The following EPM2A variants were observed in gnomAD, a reference collection of about 807,000 sequenced individuals.
EPM2A encodes laforin.
EPM2A carries 21 observed loss-of-function variants against 26.5 expected under a neutral mutation model. That is an observed-to-expected ratio of 0.79 (90% CI 0.56 to 1.14). EPM2A has a LOEUF of 1.14. Ranked by LOEUF, EPM2A falls within the 50% of genes most tolerant of loss-of-function variation. The pLI is 0.00. For missense variants in EPM2A, 458 were observed against 440.8 expected, an observed-to-expected ratio of 1.04 and a Z score of -0.35; for synonymous variants, 217 against 177.6, an observed-to-expected ratio of 1.22 and a Z score of -1.76.
intron 2 of EPM2A, among the ~76,000 whole-genome samples, chr6:145,676,946 T>A (rs1055172365): frequency 7.2e-5 from 11 of 152,298 alleles, no homozygotes; most frequent in Admixed American, 6.5e-4. Flanking sequence ...AGCATCATCC[T>A]GATACCAAAG....
At chr6:145,447,372 T>G (rs1779139947) in intron 4 of EPM2A, among the ~76,000 whole-genome samples, 1 of 152,144 alleles carries the variant, frequency 6.6e-6, no homozygotes, top group African/African-American at 2.4e-5. Context: ...ATTTTAAATA[T>G]CTTTCCAATA....
At chr6:145,558,244 G>C (rs1314315750) in intron 2 of EPM2A, among the ~76,000 whole-genome samples, 1 of 151,910 alleles carries the variant, frequency 6.6e-6, no homozygotes, top group Non-Finnish European at 1.5e-5. Flanking sequence ...GAACAGTTTG[G>C]GGGCATGATC....
At chr6:145,536,327 A>C (rs1780431342) in intron 2 of EPM2A, among the ~76,000 whole-genome samples, 1 of 150,404 alleles carries the variant, frequency 6.6e-6, no homozygotes, top group African/African-American at 2.4e-5. Flanking sequence ...ATGGAGTCTC[A>C]CTCTGTCACC....
chr6:145,719,146 C>A (rs1465359353), intron 1 of EPM2A, among the ~76,000 whole-genome samples: 1 of 151,856 alleles, frequency 6.6e-6, no homozygotes, highest in Non-Finnish European at 1.5e-5. Context: ...GATTATAAAT[C>A]ATGCTGCTAT....
chr6:145,485,005 A>T (rs10588735), intron 4 of EPM2A, among the ~76,000 whole-genome samples: 131 of 140,626 alleles, frequency 9.3e-4, no homozygotes, highest in African/African-American at 3.2e-3. Flanking sequence ...ATATATATAT[A>T]TTATATATAT....
intron 4 of EPM2A, among the ~76,000 whole-genome samples, chr6:145,493,505 C>A (rs1779780787): frequency 6.6e-6 from 1 of 152,172 alleles, no homozygotes; most frequent in Admixed American, 6.5e-5. Context: ...ATTGCTCTGG[C>A]TAGAACTTCC....
chr6:145,627,747 C>A, intron 3 of EPM2A, 54 bp from the exon 4 acceptor site: 1 of 1,594,510 alleles, frequency 6.3e-7, no homozygotes, highest in Non-Finnish European at 8.5e-7. Flanking sequence ...CCAGATACCG[C>A]CGCTGAGGTC....
chr6:145,713,647 A>C (rs1016692533), intron 1 of EPM2A, among the ~76,000 whole-genome samples: 1 of 152,220 alleles, frequency 6.6e-6, no homozygotes, highest in Non-Finnish European at 1.5e-5. Flanking sequence ...TAGTGCAGTC[A>C]CCTTGGAAAA....
At chr6:145,500,554 C>A (rs1297313492), downstream of EPM2A, among the ~76,000 whole-genome samples, 1 of 152,152 alleles carries the variant, frequency 6.6e-6, no homozygotes, top group Non-Finnish European at 1.5e-5. Flanking sequence ...CATCAGTAGA[C>A]AAAGGGAAAG....
intron 4 of EPM2A, among the ~76,000 whole-genome samples, chr6:145,433,204 G>C (rs1339939539): frequency 6.6e-6 from 1 of 151,998 alleles, no homozygotes; most frequent in African/African-American, 2.4e-5. Flanking sequence ...TTGCATTCTT[G>C]TCTTACATAA....
At chr6:145,708,195 T>G (rs2128630145) in intron 1 of EPM2A, among the ~76,000 whole-genome samples, 1 of 152,314 alleles carries the variant, frequency 6.6e-6, no homozygotes, top group Middle Eastern at 3.4e-3. Context: ...CATAAAAGGT[T>G]GGAAAATTTG....
At chr6:145,710,354 A>G (rs1775244394) in intron 1 of EPM2A, among the ~76,000 whole-genome samples, 1 of 152,248 alleles carries the variant, frequency 6.6e-6, no homozygotes, top group African/African-American at 2.4e-5. Context: ...TATGCAGCCA[A>G]AAAACACATG....
intron 2 of EPM2A, among the ~76,000 whole-genome samples, chr6:145,645,560 C>T (rs1777399296): frequency 6.6e-6 from 1 of 152,042 alleles, no homozygotes; most frequent in Non-Finnish European, 1.5e-5. Context: ...CTGCTTCAGC[C>T]TCGAAGGTCA....
chr6:145,585,380 T>G (rs1467609326), intron 2 of EPM2A, among the ~76,000 whole-genome samples: 1 of 152,188 alleles, frequency 6.6e-6, no homozygotes, highest in Admixed American at 6.5e-5. Flanking sequence ...TCTTGAAGTT[T>G]TCTCACAGCT....
At chr6:145,397,905 A>C (rs1291478467) in intron 4 of EPM2A, among the ~76,000 whole-genome samples, 1 of 152,178 alleles carries the variant, frequency 6.6e-6, no homozygotes, top group Admixed American at 6.5e-5. Flanking sequence ...AACCACAGTG[A>C]ACTTCATAAC....
intron 1 of EPM2A, among the ~76,000 whole-genome samples, chr6:145,727,264 A>G (rs1776257497): frequency 6.6e-6 from 1 of 152,180 alleles, no homozygotes; most frequent in Non-Finnish European, 1.5e-5. Context: ...TTAAAGAAAA[A>G]CATAAGCTAA....
At chr6:145,644,475 A>C (rs775878685) in intron 2 of EPM2A, among the ~76,000 whole-genome samples, 29 of 152,136 alleles carry the variant, frequency 1.9e-4, no homozygotes, top group Non-Finnish European at 3.7e-4. Context: ...ATGGATGCTG[A>C]AAATTTAGGA....
intron 2 of EPM2A, among the ~76,000 whole-genome samples, chr6:145,513,346 C>A (rs1780081805): frequency 6.6e-6 from 1 of 152,068 alleles, no homozygotes; most frequent in Non-Finnish European, 1.5e-5. Flanking sequence ...ATTAAAACTA[C>A]ACCAAGATAC....
rs1775864390 is a variant in EPM2A at position 145,627,091 on chromosome 6, G to A, written c.*325C>T. 29 of 1,239,138 alleles carry A rather than the reference G, an allele frequency of 2.3e-5. No individual in the cohort carries two copies. In the South Asian group the frequency reaches 3.4e-4, roughly 15 times the overall value. 76.8% of individuals were successfully genotyped at this position (1,239,138 alleles called of 1,614,324 possible). On this transcript the variant is annotated 3_prime_UTR_variant, in exon 4 of 4. Transcript: ENST00000367519. ...AGGAAAGTGCTGTCACGGATCCATC[G>A]TGCAACACATACAGTGCTGTAAAGC...
Sources: allele counts gnomAD v4.1 joint callset (sites outside exome capture counted in the v4.1 genomes callset), GRCh38; gene constraint gnomAD v4.1.1; transcripts MANE v1.5; gene names NCBI Gene and HGNC (gene_info 2026-07-23, HGNC 2026-07-21).